KMT2E: variants seen among roughly 807,000 people sequenced by gnomAD.
The protein encoded by KMT2E is histone reader KMT2E.
In KMT2E, 30 loss-of-function variants were observed where a neutral mutation model predicts 184.6. The ratio of observed to expected loss-of-function variants is 0.16; its 90% CI spans 0.12 to 0.22. KMT2E has a LOEUF of 0.22. Ranked by LOEUF, KMT2E falls within the 10% of genes least tolerant of loss-of-function variation. The pLI, the probability that KMT2E is intolerant of heterozygous loss-of-function variation, is 1.00. For synonymous variants in KMT2E, 815 were observed against 776.5 expected (o/e 1.05, Z -0.82); for missense variants, 2,023 against 2,237.4 (o/e 0.90, Z 1.93).
chr7:105,020,597 A>G (rs1243536630), intron 1 of KMT2E, among the ~76,000 whole-genome samples: 1 of 152,198 alleles, frequency 6.6e-6, no homozygotes, highest in African/African-American at 2.4e-5. Context: ...AAAAATAAAT[A>G]AAGTTTATGT....
chr7:105,102,000 C>T lies in KMT2E; in HGVS notation c.2002C>T (p.His668Tyr). The T allele has an allele frequency of 6.2e-7, 1 of 1,613,876 alleles. No homozygotes were observed. The highest frequency in any genetic ancestry group is 8.5e-7 in the Non-Finnish European group (1 of 1,179,858). ...TCACATTGGACAGCAGCGTCGGAGA[C>T]ACAGAACTGTCAGCATGTGTTCAGA... ...RTHIGQQRRR[H>Y]RTVSMCSDIQ... Residue 668 changes from histidine (H) to tyrosine (Y), a missense_variant, in exon 17 of 27, where the codon CAC (histidine) becomes TAC (tyrosine). His to Tyr is a moderately conservative substitution (Grantham distance 83). This residue lies in a region of KMT2E where 514 missense variants were observed against 621.8 expected (regional missense o/e 0.83). Coordinates refer to ENST00000311117, the MANE Select transcript of KMT2E (RefSeq NM_182931.3).
intron 1 of KMT2E, among the ~76,000 whole-genome samples, chr7:105,015,029 G>A (rs1244966230): frequency 1.3e-5 from 2 of 152,112 alleles, no homozygotes; most frequent in Non-Finnish European, 2.9e-5. Context: ...ATACGAAGGG[G>A]GTAAGAAGAA....
rs145611976 is a variant in KMT2E at position 105,045,924 on chromosome 7, T to C, written c.71+4901T>C. Among the ~76,000 whole-genome samples, 4 of 152,308 alleles carry C rather than the reference T, an allele frequency of 2.6e-5. No homozygotes were observed. In the East Asian group the frequency reaches 7.7e-4, roughly 29 times the overall value. On this transcript the variant is annotated intron_variant, in intron 3 of 26. Transcript: ENST00000311117. ...TGGCATGATCTCCTTTTTAAATGTT[T>C]CTTCTTTTTCTTAAATATTTGTGTT...
intron 1 of KMT2E, among the ~76,000 whole-genome samples, chr7:105,037,554 T>C (rs939392585): frequency 6.6e-6 from 1 of 151,918 alleles, no homozygotes; most frequent in Non-Finnish European, 1.5e-5. Flanking sequence ...GTAGGGATAA[T>C]GTCTCACTAT....
intron 1 of KMT2E, among the ~76,000 whole-genome samples, chr7:105,023,478 T>G (rs1452306815): frequency 3.5e-5 from 5 of 142,694 alleles, no homozygotes; most frequent in African/African-American, 5.3e-5. Context: ...GGAGTGTCGC[T>G]CTGTCGCCCA....
intron 1 of KMT2E, among the ~76,000 whole-genome samples, chr7:105,034,829 T>C (rs1371502616): frequency 7.0e-6 from 1 of 142,720 alleles, no homozygotes; most frequent in African/African-American, 2.6e-5. Context: ...AAATAGTATG[T>C]AACTTTTTGA....
At chr7:105,036,750 T>C (rs1795677349) in intron 1 of KMT2E, among the ~76,000 whole-genome samples, 2 of 152,244 alleles carry the variant, frequency 1.3e-5, no homozygotes, top group South Asian at 2.1e-4. Context: ...CTGGTAGTAA[T>C]GCTAGCTCAG....
Position 105,107,238 on chromosome 7 carries a change from A to T in KMT2E, c.2904+16A>T. On this transcript the variant is annotated intron_variant, in intron 21 of 26. Coordinates refer to ENST00000311117, the MANE Select transcript of KMT2E (RefSeq NM_182931.3). ...TAGTCAAGAGGTAAGAAGTTAACTT[A>T]AAAAGGGTGAATTGGTAGTTTTTTT... 6.5e-7 allele frequency: 1 copy of T among 1,539,020 alleles called. No homozygotes were observed. The highest frequency in any genetic ancestry group is 8.8e-7 in the Non-Finnish European group (1 of 1,135,634).
chr7:105,036,979 C>G (rs1381600993), intron 1 of KMT2E, among the ~76,000 whole-genome samples: 1 of 152,074 alleles, frequency 6.6e-6, no homozygotes, highest in East Asian at 1.9e-4. Flanking sequence ...GACTAGTATT[C>G]TTTTCATTTT....
rs1346334477 is a variant in KMT2E at position 105,061,876 on chromosome 7, C to T, written c.72-288C>T. The T allele has an allele frequency of 2.8e-5, 7 of 252,872 alleles. No homozygotes were observed. In the South Asian group the frequency reaches 5.1e-4, roughly 18 times the overall value. The allele number at this position is 252,872 out of a possible 1,614,324, so 15.7% of individuals were successfully genotyped here. A position where few individuals can be genotyped will look rare whatever the true frequency, so the allele number is the denominator to read the frequency against. On this transcript the variant is annotated intron_variant, in intron 3 of 26. Coordinates refer to ENST00000311117, the MANE Select transcript of KMT2E (RefSeq NM_182931.3). ...ACCCCTTTGCTAGTTTTCTCAGTGC[C>T]GTAGGGTTTATTAAATAATAATTGG... is the stretch of plus-strand genomic sequence containing the variant.
chr7:105,064,033 T>A (rs1454394158), intron 5 of KMT2E: 1 of 455,350 alleles, frequency 2.2e-6, no homozygotes. Flanking sequence ...TGCAGCACTC[T>A]GGAGTCTCCT....
intron 3 of KMT2E, among the ~76,000 whole-genome samples, chr7:105,058,566 T>C (rs1796665151): frequency 6.6e-6 from 1 of 152,230 alleles, no homozygotes; most frequent in Admixed American, 6.5e-5. Flanking sequence ...AACAAGAGAA[T>C]ATACTTACAT....
rs1799399172 is a variant in KMT2E at position 105,113,084 on chromosome 7, G to A, written c.5328G>A (p.Gln1776=). The change falls in exon 27 of 27, where the codon CAG becomes CAA. Residue 1776 remains glutamine, a synonymous_variant. Transcript: ENST00000311117. ...ATACCACTTTGGGACCGGGACCCCA[G>A]CACCAGCCTTCTGGAACAGGGCCAC... is the stretch of plus-strand genomic sequence containing the variant. ...THHTTLGPGP[Q]HQPSGTGPHC... The A allele has an allele frequency of 6.2e-7, 1 of 1,614,104 alleles. No homozygotes were observed. Among genetic ancestry groups the A allele is most frequent in the Middle Eastern group, 1.6e-4 (1 of 6,062 alleles).
At chr7:105,048,991 G>A (rs1310382448) in intron 3 of KMT2E, among the ~76,000 whole-genome samples, 1 of 152,092 alleles carries the variant, frequency 6.6e-6, no homozygotes, top group Non-Finnish European at 1.5e-5. Flanking sequence ...TTAGGTAGAG[G>A]GAACAGCAAG....
At chr7:105,051,832 C>T (rs1020025096) in intron 3 of KMT2E, among the ~76,000 whole-genome samples, 1 of 152,090 alleles carries the variant, frequency 6.6e-6, no homozygotes, top group Non-Finnish European at 1.5e-5. Context: ...AGGCTGGTCT[C>T]GAACTCCTGA....
chr7:105,025,403 G>C (rs545825792), intron 1 of KMT2E, among the ~76,000 whole-genome samples: 1 of 152,208 alleles, frequency 6.6e-6, no homozygotes, highest in Non-Finnish European at 1.5e-5. Context: ...CTGGAAAAAA[G>C]TAAAAAAGTA....
rs756200527 is a variant in KMT2E at position 105,109,066 on chromosome 7, G to A, written c.3593G>A (p.Gly1198Asp). 2 of 1,614,042 alleles carry A rather than the reference G, an allele frequency of 1.2e-6. No homozygotes were observed. Among genetic ancestry groups the A allele is most frequent in the Non-Finnish European group, 1.7e-6 (2 of 1,180,024 alleles). ...GGAAGCTTGAGCAACAATGGTGATG[G>A]CTGTGCCAGCAGTAATGACAATGGG... ...ASGSLSNNGD[G>D]CASSNDNGEQ... The change falls in exon 23 of 27, where the codon GGC becomes GAC. Residue 1198 changes from glycine to aspartate, a missense_variant. Coordinates refer to ENST00000311117, the MANE Select transcript of KMT2E (RefSeq NM_182931.3).
intron 3 of KMT2E, among the ~76,000 whole-genome samples, chr7:105,046,352 TTAATAG>T (rs1412629382): frequency 6.6e-6 from 1 of 152,218 alleles, no homozygotes; most frequent in Non-Finnish European, 1.5e-5. Context: ...CAGACTCCTT[TTAATAG>T]TATGCAAAGG....
At chr7:105,045,024 C>G (rs1031311079) in intron 3 of KMT2E, among the ~76,000 whole-genome samples, 2 of 152,176 alleles carry the variant, frequency 1.3e-5, no homozygotes, top group African/African-American at 4.8e-5. Flanking sequence ...AAGTCTTGAC[C>G]CTTTGTCAAT....
Sources: allele counts gnomAD v4.1 joint callset (sites outside exome capture counted in the v4.1 genomes callset), GRCh38; gene constraint gnomAD v4.1.1; regional missense constraint gnomAD v4.1.1; transcripts MANE v1.5; gene names NCBI Gene and HGNC (gene_info 2026-07-23, HGNC 2026-07-21).